The following GABRG3 variants were observed in gnomAD, a reference collection of about 807,000 sequenced individuals.
GABRG3 encodes gamma-aminobutyric acid receptor subunit gamma-3.
A neutral mutation model predicts 48.8 loss-of-function variants in GABRG3; 25 were observed. The observed-to-expected ratio is 0.51, with a 90% confidence interval of 0.37 to 0.72. The LOEUF (loss-of-function observed/expected upper bound fraction) is 0.72, where lower values mean the gene tolerates loss of function less well. Ranked by LOEUF, GABRG3 falls within the 30% of genes least tolerant of loss-of-function variation. GABRG3 has a pLI of 0.00. For missense variants in GABRG3, 394 were observed against 577.9 expected (o/e 0.68, Z 3.26); for synonymous variants, 227 against 217.6 (o/e 1.04, Z -0.38).
At chr15:27,075,654 CAT>C (rs1427902409) in intron 3 of GABRG3, among the ~76,000 whole-genome samples, 4 of 152,284 alleles carry the variant, frequency 2.6e-5, no homozygotes, top group African/African-American at 9.6e-5. Flanking sequence ...TGTTCAAAGT[CAT>C]ATCATTTAGA....
Position 27,353,995 on chromosome 15 carries a change from G to C in GABRG3, c.574+25107G>C, listed in dbSNP as rs1233385812. Among the ~76,000 whole-genome samples, 3 of 152,138 alleles carry C rather than the reference G, an allele frequency of 2.0e-5. No homozygotes were observed. The East Asian group carries it at 5.8e-4, about 29-fold the overall frequency. ...CCTGGGGCAATGCCTGGCTCTGTAAGGGCTCAGGAGGGAAGAAAGAAGGGA... is the reference window on the plus strand; with the variant it reads ...CCTGGGGCAATGCCTGGCTCTGTAACGGCTCAGGAGGGAAGAAAGAAGGGA... On this transcript the variant is annotated intron_variant, in intron 5 of 9. Transcript: ENST00000615808.
At chr15:27,326,316 A>G (rs1893612381) in intron 3 of GABRG3, among the ~76,000 whole-genome samples, 1 of 152,248 alleles carries the variant, frequency 6.6e-6, no homozygotes, top group South Asian at 2.1e-4. Context: ...ACAAATAGTC[A>G]TAACTATTAT....
At chr15:27,127,137 G>A (rs1442762414) in intron 3 of GABRG3, among the ~76,000 whole-genome samples, 5 of 152,070 alleles carry the variant, frequency 3.3e-5, no homozygotes, top group Non-Finnish European at 7.4e-5. Context: ...ACAGGGTCCT[G>A]AACACATCTG....
rs1206176907 is a variant in GABRG3, at chr15:27,291,665, G to C, written c.271-35144G>C. Among the ~76,000 whole-genome samples the C allele has an allele frequency of 3.9e-5, 6 of 152,192 alleles. No homozygotes were observed. The East Asian group carries it at 1.2e-3, about 29-fold the overall frequency. ...AGTATCTTGTCTTTTTAGAGTTCATGTTCCAAATTTTGTCAAAATCATTGA... is the reference window on the plus strand; with the variant it reads ...AGTATCTTGTCTTTTTAGAGTTCATCTTCCAAATTTTGTCAAAATCATTGA... On this transcript the variant is annotated intron_variant, in intron 3 of 9. Coordinates refer to ENST00000615808, the MANE Select transcript of GABRG3 (RefSeq NM_033223.5).
At chr15:27,132,615 T>A (rs1268961555) in intron 3 of GABRG3, among the ~76,000 whole-genome samples, 1 of 151,316 alleles carries the variant, frequency 6.6e-6, no homozygotes, top group African/African-American at 2.4e-5. Flanking sequence ...TAGTATTTTC[T>A]TGTAATCCTT....
At chr15:27,153,371 A>G (rs547785397) in intron 3 of GABRG3, among the ~76,000 whole-genome samples, 2 of 152,276 alleles carry the variant, frequency 1.3e-5, no homozygotes, top group African/African-American at 4.8e-5. Flanking sequence ...CCCTCTGACA[A>G]TATCACACAA....
At chr15:27,042,780 C>T (rs1896300050) in intron 3 of GABRG3, among the ~76,000 whole-genome samples, 1 of 152,236 alleles carries the variant, frequency 6.6e-6, no homozygotes, top group Admixed American at 6.5e-5. Context: ...ATGACTCTCA[C>T]CGTCGGGTCT....
intron 5 of GABRG3, among the ~76,000 whole-genome samples, chr15:27,351,534 GTT>G (rs1387269736): frequency 2.1e-5 from 3 of 143,270 alleles, no homozygotes; most frequent in Non-Finnish European, 3.0e-5. Context: ...TTGTGTGTGT[GTT>G]GGTGTGTGTA....
chr15:27,398,580 G>A (rs1887385075), intron 5 of GABRG3, among the ~76,000 whole-genome samples: 1 of 151,970 alleles, frequency 6.6e-6, no homozygotes, highest in Non-Finnish European at 1.5e-5. Flanking sequence ...TTCTACCAAT[G>A]TGGTATAGTG....
chr15:27,358,435 A>G (rs1391571941), intron 5 of GABRG3, among the ~76,000 whole-genome samples: 1 of 152,242 alleles, frequency 6.6e-6, no homozygotes, highest in East Asian at 1.9e-4. Context: ...CGTTATTCCT[A>G]TGCAAATGCT....
chr15:27,508,505 C>A (rs1344655034), intron 6 of GABRG3, among the ~76,000 whole-genome samples: 1 of 152,030 alleles, frequency 6.6e-6, no homozygotes, highest in Non-Finnish European at 1.5e-5. Flanking sequence ...TTGCTTTAAA[C>A]AGTTAACTTT....
chr15:27,008,032 C>A (rs7180500), intron 2 of GABRG3, among the ~76,000 whole-genome samples: 73,833 of 151,992 alleles, frequency 0.49, 18,641 homozygotes, highest in Middle Eastern at 0.61. Flanking sequence ...AATACAAACT[C>A]TTACTAAACA....
chr15:27,045,937 G>C (rs763145763), intron 3 of GABRG3, among the ~76,000 whole-genome samples: 1 of 152,176 alleles, frequency 6.6e-6, no homozygotes, highest in South Asian at 2.1e-4. Context: ...CTCTTCACCT[G>C]CACATGGTGA....
At chr15:27,286,764 G>T (rs970233391) in intron 3 of GABRG3, among the ~76,000 whole-genome samples, 1 of 152,132 alleles carries the variant, frequency 6.6e-6, no homozygotes, top group African/African-American at 2.4e-5. Context: ...GAGTACCTTG[G>T]TGAAGAACAG....
intron 2 of GABRG3, among the ~76,000 whole-genome samples, chr15:27,003,201 ATATTTATTTATTTATTTATT>A (rs199745733): frequency 1.4e-5 from 2 of 139,190 alleles, no homozygotes; most frequent in Non-Finnish European, 3.1e-5. Flanking sequence ...TTTTTATTTT[ATATTTATTTATTTATTTATT>A]TATTTATTTA....
rs888471484 is a variant in GABRG3, at chr15:26,975,891, C to G, written c.54-1111C>G. Among the ~76,000 whole-genome samples the G allele has an allele frequency of 6.6e-6, 1 of 152,174 alleles. No individual in the cohort carries two copies. Among genetic ancestry groups the G allele is most frequent in the Non-Finnish European group, 1.5e-5 (1 of 68,042 alleles). ...AGAAAAAGTCACTAAAGCATCCACA[C>G]TGACAAACTAGAAAGGAAAAGTTTG... On this transcript the variant is annotated intron_variant, in intron 1 of 9. Transcript: ENST00000615808. This position sits in a 1 kb window ranked among gnomAD's most constrained non-coding sequence, Gnocchi z 4.6.
At chr15:27,418,743 T>A (rs1249605329) in intron 5 of GABRG3, 4 of 152,222 alleles carry the variant, frequency 2.6e-5, no homozygotes, top group Admixed American at 6.5e-5. Flanking sequence ...AAATGTTTTC[T>A]TTTTCAACCT....
chr15:27,523,905 T>C (rs1315130821), intron 7 of GABRG3, among the ~76,000 whole-genome samples: 1 of 151,828 alleles, frequency 6.6e-6, no homozygotes, highest in Non-Finnish European at 1.5e-5. Context: ...GAGAGGGAAA[T>C]GATCCAACAT....
intron 3 of GABRG3, among the ~76,000 whole-genome samples, chr15:27,117,153 CCAGA>C (rs1249508631): frequency 2.0e-5 from 3 of 152,226 alleles, no homozygotes; most frequent in Non-Finnish European, 2.9e-5. Flanking sequence ...CAATTTCAAC[CCAGA>C]CAGTTTGGCT....
Sources: gnomAD v4.1 joint callset for allele counts (sites outside exome capture counted in the v4.1 genomes callset) on GRCh38, gnomAD v4.1.1 for gene constraint, Gnocchi (gnomAD v3.1) non-coding constraint, MANE v1.5 for transcripts, NCBI Gene and HGNC (gene_info 2026-07-23, HGNC 2026-07-21) for gene names.